Variants in CFAP70 observed in about 807,000 individuals in gnomAD.
CFAP70 encodes cilia- and flagella-associated protein 70.
CFAP70 carries 81 observed loss-of-function variants against 137.6 expected under a neutral mutation model. The ratio of observed to expected loss-of-function variants is 0.59; its 90% CI spans 0.49 to 0.71. The LOEUF is 0.71. Among genes scored for constraint, CFAP70 ranks in the 30% least tolerant of loss-of-function variants. The pLI is 0.00. For synonymous variants in CFAP70, 382 were observed against 423.6 expected (o/e 0.90, Z 1.20); for missense variants, 976 against 1,226.7 (o/e 0.80, Z 3.05).
intron 19 of CFAP70, among the ~76,000 whole-genome samples, chr10:73,290,032 A>G (rs1036928797): frequency 8.0e-5 from 12 of 150,742 alleles, no homozygotes; most frequent in Admixed American, 5.9e-4. Flanking sequence ...GTGACAGAGC[A>G]AGACTCCATC....
Position 73,291,875 on chromosome 10 carries a change from C to CTATA in CFAP70, c.1904+2_1904+5dup. 1 of 1,614,132 alleles carries CTATA rather than the reference C, an allele frequency of 6.2e-7. No homozygotes were observed. Among genetic ancestry groups the CTATA allele is most frequent in the Non-Finnish European group, 8.5e-7 (1 of 1,180,004 alleles). On this transcript the variant is annotated splice_donor_region_variant and intron_variant, in intron 17 of 26. Coordinates refer to ENST00000310715, the Ensembl canonical transcript of CFAP70. The stretch of plus-strand genomic sequence containing the variant: ...CACTGATTCCTCATCTCCCTTCCAC[C>CTATA]TATACCTGTGGATATGACTCTGGTT...
intron 8 of CFAP70, among the ~76,000 whole-genome samples, chr10:73,327,575 AT>A (rs2051596081): frequency 6.6e-6 from 1 of 151,954 alleles, no homozygotes; most frequent in South Asian, 2.1e-4. Flanking sequence ...ACATGATTGT[AT>A]ATCTAGAAAA....
chr10:73,279,151 G>A (rs1244747373), intron 19 of CFAP70: 1 of 152,054 alleles, frequency 6.6e-6, no homozygotes, highest in Non-Finnish European at 1.5e-5. Flanking sequence ...ACAGATTCCT[G>A]AAGCATTCCA....
rs1396196797 is a variant in CFAP70, at chr10:73,351,067, GTGTGTATATATATATATATATATATA to G, written c.250+2463_250+2488del. On this transcript the variant is annotated intron_variant, in intron 3 of 26. Coordinates refer to ENST00000310715, the Ensembl canonical transcript of CFAP70. ...TATATGTGTGTGTGTGTGTGTGTGT[GTGTGTATATATATATATATATATATA>G]TATATATATATATATATATGTATGT... 6.7e-4 allele frequency among the ~76,000 whole-genome samples: 43 copies of G among 64,064 alleles called. 1 individual carries two copies. The South Asian group carries it at 7.1e-3, about 11-fold the overall frequency. The allele number at this position is 64,064 out of a possible 152,430, so 42.0% of individuals were successfully genotyped here. A position where few individuals can be genotyped will look rare whatever the true frequency, so the allele number is the denominator to read the frequency against.
intron 4 of CFAP70, among the ~76,000 whole-genome samples, chr10:73,345,924 G>A: frequency 6.6e-6 from 1 of 150,546 alleles, no homozygotes; most frequent in African/African-American, 2.4e-5. Flanking sequence ...TTTTGAGACA[G>A]AGTCTCCCTC....
chr10:73,315,525 T>C (rs2050267056), intron 9 of CFAP70, among the ~76,000 whole-genome samples: 2 of 152,206 alleles, frequency 1.3e-5, no homozygotes, highest in Admixed American at 1.3e-4. Flanking sequence ...TTTGTTGGGT[T>C]GTATGGTAAG....
At chr10:73,310,017 A>G in intron 12 of CFAP70, 141 bp downstream of exon 13, 1 of 530,406 alleles carries the variant, frequency 1.9e-6, no homozygotes, top group Admixed American at 3.7e-5. Context: ...AAAAATAACA[A>G]CAACAACAAA....
chr10:73,281,318 G>A (rs1201719246), intron 19 of CFAP70, among the ~76,000 whole-genome samples: 4 of 151,242 alleles, frequency 2.6e-5, no homozygotes, highest in Admixed American at 6.6e-5. Flanking sequence ...CCTAGTAGCC[G>A]GGACTACAGA....
chr10:73,256,498 A>T, intron 25 of CFAP70, 82 bp from the exon 27 acceptor site: 3 of 1,435,696 alleles, frequency 2.1e-6, no homozygotes, highest in South Asian at 1.2e-5. Flanking sequence ...GCTAAGGCAG[A>T]GGCACCTACA....
intron 5 of CFAP70, among the ~76,000 whole-genome samples, chr10:73,342,865 A>AG (rs1447154963): frequency 6.6e-6 from 1 of 152,112 alleles, no homozygotes; most frequent in Non-Finnish European, 1.5e-5. Context: ...TCACAAGGTC[A>AG]GGAGTTCGAG....
intron 6 of CFAP70, among the ~76,000 whole-genome samples, chr10:73,340,890 T>C (rs1051373633): frequency 1.3e-5 from 2 of 152,182 alleles, no homozygotes; most frequent in Admixed American, 1.3e-4. Flanking sequence ...AGTGCAGAGA[T>C]GCCTGGGTAT....
chr10:73,257,128 A>G (rs945517787), intron 25 of CFAP70, among the ~76,000 whole-genome samples: 12 of 152,248 alleles, frequency 7.9e-5, no homozygotes, highest in Admixed American at 2.0e-4. Context: ...GTTCATTCTT[A>G]ATCCTCAAGA....
rs1158760266 is a variant in CFAP70, at chr10:73,351,071, GTATATATATATA to G, written c.250+2473_250+2484del. Among the ~76,000 whole-genome samples the G allele has an allele frequency of 5.7e-3, 178 of 31,384 alleles. 1 individual carries two copies. Among genetic ancestry groups the G allele is most frequent in the African/African-American group, 0.012 (132 of 10,930 alleles). The allele number at this position is 31,384 out of a possible 152,430, so 20.6% of individuals were successfully genotyped here. The stretch of plus-strand genomic sequence containing the variant: ...TGTGTGTGTGTGTGTGTGTGTGTGT[GTATATATATATA>G]TATATATATATATATATATATATAT... On this transcript the variant is annotated intron_variant, in intron 3 of 26. Coordinates refer to ENST00000310715, the Ensembl canonical transcript of CFAP70.
chr10:73,351,013 G>A (rs1386152539), intron 3 of CFAP70, among the ~76,000 whole-genome samples: 14 of 145,684 alleles, frequency 9.6e-5, no homozygotes, highest in African/African-American at 3.3e-4. Flanking sequence ...GTGTGTATGT[G>A]TGTGTATATA....
At chr10:73,348,318 T>C in intron 4 of CFAP70, 83 bp from the exon 5 acceptor site, 4 of 1,530,918 alleles carry the variant, frequency 2.6e-6, no homozygotes, top group South Asian at 2.2e-5. Flanking sequence ...TGCCTACTTT[T>C]CCCCTCAAAT....
In CFAP70 at chr10:73,305,385, G is replaced by A. The variant is rs184208954; in HGVS notation, c.1256+4773C>T. ...AATTAGAGCATTCAAAAGTACTTGT[G>A]TGTACTGGGAAATTCAGAAAGCCAC... On this transcript the variant is annotated intron_variant, in intron 12 of 26. Transcript: ENST00000310715. Among the ~76,000 whole-genome samples the A allele has an allele frequency of 8.5e-5, 13 of 152,300 alleles. No individual in the cohort carries two copies. The East Asian group carries it at 1.3e-3, about 16-fold the overall frequency.
chr10:73,325,993 G>A (rs2051380964), intron 8 of CFAP70, among the ~76,000 whole-genome samples: 1 of 152,038 alleles, frequency 6.6e-6, no homozygotes, highest in Non-Finnish European at 1.5e-5. Flanking sequence ...AGACCTAATA[G>A]ACATCTACAG....
chr10:73,344,621 CT>C, intron 5 of CFAP70, among the ~76,000 whole-genome samples: 1 of 152,258 alleles, frequency 6.6e-6, no homozygotes, highest in Non-Finnish European at 1.5e-5. Flanking sequence ...TAGAAGAAGC[CT>C]TTTAGCAAGC....
At chr10:73,272,709 G>A (rs1057279473) in intron 24 of CFAP70, 8 of 635,036 alleles carry the variant, frequency 1.3e-5, no homozygotes, top group Non-Finnish European at 2.3e-5. Flanking sequence ...TAGCTTCTTG[G>A]TTCAGGTTTT....
Sources: allele counts gnomAD v4.1 joint callset (sites outside exome capture counted in the v4.1 genomes callset), GRCh38; gene constraint gnomAD v4.1.1; transcripts MANE v1.5; gene names NCBI Gene and HGNC (gene_info 2026-07-23, HGNC 2026-07-21).